Variants in DSCAM observed in about 807,000 individuals in gnomAD.
DSCAM encodes cell adhesion molecule DSCAM.
In DSCAM, 47 loss-of-function variants were observed where a neutral mutation model predicts 217.7. That is an observed-to-expected ratio of 0.22 (90% CI 0.17 to 0.28). DSCAM has a LOEUF of 0.28. Ranked by LOEUF, DSCAM falls within the 10% of genes least tolerant of loss-of-function variation. The pLI is 1.00. For missense variants in DSCAM, 2,080 were observed against 2,618.3 expected (o/e 0.79, Z 4.49); for synonymous variants, 1,056 against 1,015.3 (o/e 1.04, Z -0.76).
At chr21:40,571,834 C>T (rs1022452231) in intron 3 of DSCAM, among the ~76,000 whole-genome samples, 14 of 152,136 alleles carry the variant, frequency 9.2e-5, no homozygotes, top group African/African-American at 3.4e-4. Flanking sequence ...AGGTGATCTG[C>T]CCACCTCAGC....
chr21:40,040,605 T>A lies in DSCAM; in HGVS notation c.5686+1766A>T, dbSNP rs76840961. 9.6e-3 allele frequency among the ~76,000 whole-genome samples: 1,464 copies of A among 151,898 alleles called. 28 individuals carry two copies. Among genetic ancestry groups the A allele is most frequent in the African/African-American group, 0.034 (1,400 of 41,384 alleles). Reference sequence around the variant, plus strand: ...AATAAAAGCAAGAAGGAAGAGGAGGTCAGCAGTACAGCTGGAGTCACAGTG... The same window carrying A: ...AATAAAAGCAAGAAGGAAGAGGAGGACAGCAGTACAGCTGGAGTCACAGTG... On this transcript the variant is annotated intron_variant, in intron 32 of 32. Coordinates refer to ENST00000400454, the MANE Select transcript of DSCAM (RefSeq NM_001389.5).
intron 13 of DSCAM, 77 bp downstream of exon 13, chr21:40,187,814 A>C: frequency 5.5e-6 from 7 of 1,268,004 alleles, no homozygotes; most frequent in East Asian, 2.3e-5. Flanking sequence ...TTGAGGACAC[A>C]GAGATGCCTG....
intron 3 of DSCAM, among the ~76,000 whole-genome samples, chr21:40,548,351 C>G (rs2076600801): frequency 6.6e-6 from 1 of 152,050 alleles, no homozygotes; most frequent in South Asian, 2.1e-4. Flanking sequence ...CGGCTTGGTA[C>G]TGATCTTTAA....
At chr21:40,452,772 T>C (rs760157201) in intron 3 of DSCAM, among the ~76,000 whole-genome samples, 17 of 152,022 alleles carry the variant, frequency 1.1e-4, no homozygotes, top group Non-Finnish European at 1.9e-4. Context: ...CCAAGGCTCA[T>C]AGAGCCTTGG....
At chr21:40,145,353 A>G (rs1379351208) in intron 16 of DSCAM, among the ~76,000 whole-genome samples, 1 of 152,184 alleles carries the variant, frequency 6.6e-6, no homozygotes, top group African/African-American at 2.4e-5. Flanking sequence ...TGGCATGGGA[A>G]GGTGAGTGCA....
Position 40,276,287 on chromosome 21 carries a change from A to T in DSCAM, c.2183-17T>A. 1 of 1,575,480 alleles carries T rather than the reference A, an allele frequency of 6.3e-7. No homozygotes were observed. Among genetic ancestry groups the T allele is most frequent in the Non-Finnish European group, 8.6e-7 (1 of 1,162,488 alleles). ...CCCCAGCACCTGAGACAGAAAAAGA[A>T]AGACGAGCAATGATGCAAACGAGAG... On this transcript the variant is annotated splice_polypyrimidine_tract_variant and intron_variant, in intron 10 of 32. Transcript: ENST00000400454.
At position 40,055,781 on chromosome 21, in the gene DSCAM, A is replaced by T. The variant is rs1601280227; in HGVS notation, c.4979T>A (p.Ile1660Asn). The change falls in exon 29 of 33, where the codon ATC (isoleucine) becomes AAC (asparagine). Residue 1660 changes from isoleucine to asparagine, a missense_variant. Transcript: ENST00000400454. Reference protein sequence around the residue: ...SKQQQTLRMHIDIPRAQLLIE... With the variant: ...SKQQQTLRMHNDIPRAQLLIE... ...CAAAAGCTGAGCCCTGGGTATGTCG[A>T]TGTGCATTCGCAGGGTCTGCTGTTG... 2.5e-6 allele frequency: 4 copies of T among 1,613,974 alleles called. No individual in the cohort carries two copies. The highest frequency in any genetic ancestry group is 3.4e-6 in the Non-Finnish European group (4 of 1,179,858).
chr21:40,335,647 G>C (rs1004822499), intron 8 of DSCAM, among the ~76,000 whole-genome samples: 2 of 152,084 alleles, frequency 1.3e-5, no homozygotes, highest in Non-Finnish European at 2.9e-5. Context: ...ATCAGACAAA[G>C]GCCAATGCAT....
chr21:40,712,377 G>A (rs943221891), intron 1 of DSCAM, among the ~76,000 whole-genome samples: 1 of 151,154 alleles, frequency 6.6e-6, no homozygotes, highest in Non-Finnish European at 1.5e-5. Flanking sequence ...GCAGGAGAAT[G>A]GCGTGAACCC....
chr21:40,785,624 G>C (rs1277495279), intron 1 of DSCAM, among the ~76,000 whole-genome samples: 4 of 152,160 alleles, frequency 2.6e-5, no homozygotes, highest in Admixed American at 6.5e-5. Context: ...CCAACCTCTG[G>C]GATGTGGCAT....
chr21:40,095,832 C>T (rs409181), intron 20 of DSCAM, among the ~76,000 whole-genome samples: 70,912 of 151,892 alleles, frequency 0.47, 18,352 homozygotes, highest in South Asian at 0.7. Context: ...TGTATTATAG[C>T]GGTATTATAA....
At chr21:40,449,244 A>G (rs2075700146) in intron 3 of DSCAM, among the ~76,000 whole-genome samples, 1 of 152,144 alleles carries the variant, frequency 6.6e-6, no homozygotes, top group African/African-American at 2.4e-5. Flanking sequence ...CTGCAGCTGC[A>G]CCCTTACTTC....
At chr21:40,617,119 CTTT>C (rs1178735630) in intron 3 of DSCAM, among the ~76,000 whole-genome samples, 4 of 112,660 alleles carry the variant, frequency 3.6e-5, no homozygotes, top group African/African-American at 7.3e-5. Context: ...CAGAACCAGT[CTTT>C]TTTTTTTTTT....
intron 3 of DSCAM, among the ~76,000 whole-genome samples, chr21:40,654,687 T>C (rs1175903071): frequency 6.6e-6 from 1 of 152,168 alleles, no homozygotes; most frequent in Admixed American, 6.5e-5. Flanking sequence ...AAGTCAGCAG[T>C]GCCTGGCGGA....
intron 1 of DSCAM, 143 bp from the exon 2 acceptor site, chr21:40,708,914 G>T (rs2205135): frequency 3.5e-6 from 2 of 566,074 alleles, no homozygotes. Context: ...CAAATTTTCT[G>T]AAAATGCTGT....
intron 3 of DSCAM, among the ~76,000 whole-genome samples, chr21:40,681,489 CTTTTTTT>C (rs57356615): frequency 6.9e-6 from 1 of 145,806 alleles, no homozygotes; most frequent in Non-Finnish European, 1.5e-5. Flanking sequence ...CTTAAAAATG[CTTTTTTT>C]TTTTTTTTAA....
At chr21:40,506,079 A>C (rs1470206613) in intron 3 of DSCAM, among the ~76,000 whole-genome samples, 1 of 152,198 alleles carries the variant, frequency 6.6e-6, no homozygotes, top group African/African-American at 2.4e-5. Flanking sequence ...CAGATTCTTA[A>C]AGATTTACTG....
At chr21:40,162,081 A>G (rs959588434) in intron 16 of DSCAM, among the ~76,000 whole-genome samples, 1 of 152,216 alleles carries the variant, frequency 6.6e-6, no homozygotes, top group Admixed American at 6.5e-5. Flanking sequence ...TTTATTGAGC[A>G]TTATTATGCA....
intron 1 of DSCAM, among the ~76,000 whole-genome samples, chr21:40,718,183 AAAC>A (rs1164931027): frequency 6.6e-6 from 1 of 152,234 alleles, no homozygotes; most frequent in African/African-American, 2.4e-5. Context: ...TTGGTAAAGG[AAAC>A]AACATGTCAG....
Sources: gnomAD v4.1 joint callset for allele counts (sites outside exome capture counted in the v4.1 genomes callset) on GRCh38, gnomAD v4.1.1 for gene constraint, MANE v1.5 for transcripts, NCBI Gene and HGNC (gene_info 2026-07-23, HGNC 2026-07-21) for gene names.